The following WIPF1 variants were observed in gnomAD, a reference collection of about 807,000 sequenced individuals.
WIPF1 encodes WAS/WASL interacting protein family member 1.
Under a neutral mutation model 35.4 loss-of-function variants are expected in WIPF1, and 13 were observed. The ratio of observed to expected loss-of-function variants is 0.37; its 90% CI spans 0.24 to 0.58. The LOEUF is 0.58. Among genes scored for constraint, WIPF1 ranks in the 20% least tolerant of loss-of-function variants. The pLI, the probability that WIPF1 is intolerant of heterozygous loss-of-function variation, is 0.74. For synonymous variants in WIPF1, 267 were observed against 266.3 expected, an observed-to-expected ratio of 1.00 and a Z score of -0.02; for missense variants, 591 against 667.0, an observed-to-expected ratio of 0.89 and a Z score of 1.25.
At position 174,572,203 on chromosome 2, in the gene WIPF1, C is replaced by G. The variant is rs1414907320; in HGVS notation, c.602G>C (p.Arg201Pro). ...GCCTCCGGGCACTGGTGGGGACCCC[C>G]GGTTGTGCGGACTTGATTGAATGGG... ...PRPIQSSPHN[R>P]GSPPVPGGPR... The change falls in exon 5 of 8, where the codon CGG (arginine) becomes CCG (proline). Residue 201 changes from arginine (R) to proline (P), a missense_variant. Arg to Pro is a moderately radical substitution (Grantham distance 103). Transcript: ENST00000679041. 3.7e-6 allele frequency: 6 copies of G among 1,614,028 alleles called. No homozygotes were observed. The highest frequency in any genetic ancestry group is 5.1e-6 in the Non-Finnish European group (6 of 1,180,032).
intron 1 of WIPF1, among the ~76,000 whole-genome samples, chr2:174,677,560 C>G (rs1224112036): frequency 6.6e-6 from 1 of 152,184 alleles, no homozygotes; most frequent in African/African-American, 2.4e-5. Context: ...AACATTTTGG[C>G]TCTTGTTAAG....
chr2:174,643,084 G>C (rs1225304163), intron 1 of WIPF1, among the ~76,000 whole-genome samples: 1 of 149,172 alleles, frequency 6.7e-6, no homozygotes, highest in African/African-American at 2.6e-5. Flanking sequence ...GGAGGTGGGG[G>C]AAGGAACCAT....
chr2:174,681,626 G>A (rs1210469772), intron 1 of WIPF1, among the ~76,000 whole-genome samples: 1 of 152,188 alleles, frequency 6.6e-6, no homozygotes, highest in Non-Finnish European at 1.5e-5. Flanking sequence ...ATCTGTTCAC[G>A]GGCTCTGCGG....
chr2:174,645,767 T>C (rs1687395431), intron 1 of WIPF1, among the ~76,000 whole-genome samples: 2 of 152,246 alleles, frequency 1.3e-5, no homozygotes, highest in Non-Finnish European at 1.5e-5. Flanking sequence ...TTATTCTTCT[T>C]CGGCATAACA....
intron 1 of WIPF1, among the ~76,000 whole-genome samples, chr2:174,647,929 G>A (rs1184666635): frequency 6.6e-6 from 1 of 152,192 alleles, no homozygotes; most frequent in Non-Finnish European, 1.5e-5. Flanking sequence ...ATTGGGATAT[G>A]TTTTGTTTGA....
intron 1 of WIPF1, among the ~76,000 whole-genome samples, chr2:174,605,995 CT>C (rs148101275): frequency 0.017 from 2,578 of 152,158 alleles, 86 homozygotes; most frequent in African/African-American, 0.059. Context: ...AAAATAATTT[CT>C]TTTGCTCTTG....
At chr2:174,611,774 A>G (rs1191539709) in intron 1 of WIPF1, among the ~76,000 whole-genome samples, 1 of 152,170 alleles carries the variant, frequency 6.6e-6, no homozygotes, top group Non-Finnish European at 1.5e-5. Context: ...ATGATGTTGA[A>G]TTTTTTTGAG....
At chr2:174,619,944 GAAA>G (rs796610534) in intron 1 of WIPF1, among the ~76,000 whole-genome samples, 3 of 114,910 alleles carry the variant, frequency 2.6e-5, no homozygotes, top group Non-Finnish European at 3.8e-5. Flanking sequence ...TCTGTCTCAA[GAAA>G]AAAAAAAAAA....
chr2:174,637,320 A>G (rs1285930994), intron 1 of WIPF1, among the ~76,000 whole-genome samples: 1 of 152,168 alleles, frequency 6.6e-6, no homozygotes, highest in South Asian at 2.1e-4. Flanking sequence ...TACCTCCCCA[A>G]CTGTTTATGA....
chr2:174,648,369 A>G (rs994424344), intron 1 of WIPF1, among the ~76,000 whole-genome samples: 4 of 152,206 alleles, frequency 2.6e-5, no homozygotes, highest in African/African-American at 9.6e-5. Flanking sequence ...AATATCCACC[A>G]ATTAGCTTCC....
intron 1 of WIPF1, among the ~76,000 whole-genome samples, chr2:174,667,347 G>T (rs1687913541): frequency 6.6e-6 from 1 of 152,248 alleles, no homozygotes; most frequent in Middle Eastern, 3.4e-3. Flanking sequence ...CTGTGGGTGG[G>T]ATCATGCAAG....
rs149763163 is a variant in WIPF1, at chr2:174,653,449, G to C, written c.-39+29325C>G. Among the ~76,000 whole-genome samples, 6 of 152,138 alleles carry C rather than the reference G, an allele frequency of 3.9e-5. No homozygotes were observed. The East Asian group carries it at 1.2e-3, about 29-fold the overall frequency. ...AGTCTAAGACTGCGTAAGAAACAGA[G>C]TTCAGGCCGGGTGCGGTGGCTCACA... On this transcript the variant is annotated intron_variant, in intron 1 of 8. Coordinates refer to the WIPF1 transcript ENST00000272746.
At chr2:174,587,685 G>A (rs900360109) in intron 1 of WIPF1, 14 of 152,182 alleles carry the variant, frequency 9.2e-5, no homozygotes, top group Non-Finnish European at 1.8e-4. Context: ...CTAAGACAGC[G>A]GAAGCCAGCA....
In WIPF1 at chr2:174,585,713, A is replaced by G. The variant is rs16862743; in HGVS notation, c.-38-102T>C. 1,861 of 806,958 alleles carry G rather than the reference A, an allele frequency of 2.3e-3. 23 individuals are homozygous for G. The African/African-American group carries it at 0.03, about 13-fold the overall frequency. 50.0% of individuals were successfully genotyped at this position (806,958 alleles called of 1,614,324 possible). ...CAAAGTGACAGCTCCACCTAGCTCA[A>G]CTCTTAGAAGAGATGGGCTTACCTT... On this transcript the variant is annotated intron_variant, in intron 1 of 7. Transcript: ENST00000679041.
chr2:174,571,431 G>A lies in WIPF1; in HGVS notation c.1129+245C>T. On this transcript the variant is annotated intron_variant, in intron 5 of 7. Coordinates refer to ENST00000679041, the MANE Select transcript of WIPF1 (RefSeq NM_001375834.1). The surrounding 1 kb of genome is among the most constrained non-coding windows in gnomAD (Gnocchi z 4.6). Reference sequence around the variant, plus strand: ...TTGCCTCTTCTTTATTAACTAGCTCGTGACCATTTAACTTTATTAGCTACT... The same window carrying A: ...TTGCCTCTTCTTTATTAACTAGCTCATGACCATTTAACTTTATTAGCTACT... 2 of 625,016 alleles carry A rather than the reference G, an allele frequency of 3.2e-6. No individual in the cohort carries two copies. Among genetic ancestry groups the A allele is most frequent in the Middle Eastern group, 8.5e-4 (2 of 2,356 alleles). The allele number at this position is 625,016 out of a possible 1,614,324, so 38.7% of individuals were successfully genotyped here.
At chr2:174,600,874 T>C (rs1304358148), upstream of WIPF1, among the ~76,000 whole-genome samples, 2 of 147,252 alleles carry the variant, frequency 1.4e-5, no homozygotes, top group African/African-American at 2.5e-5. Flanking sequence ...GAAAAGAAAA[T>C]CAATGTTTCT....
chr2:174,678,955 G>A (rs535123136), intron 1 of WIPF1, among the ~76,000 whole-genome samples: 6 of 152,306 alleles, frequency 3.9e-5, no homozygotes, highest in African/African-American at 1.2e-4. Flanking sequence ...CAGTTCCTGC[G>A]TTTAGGCTTT....
At position 174,584,133 on chromosome 2, in the gene WIPF1, G is replaced by A. The variant is rs115421123; in HGVS notation, c.51+1390C>T. ...AAAAATATTTTCATCAGGAACTGAC[G>A]CTTTTGTAAAATAACAATGAATTAT... On this transcript the variant is annotated intron_variant, in intron 2 of 7. Transcript: ENST00000679041. 4.9e-3 allele frequency among the ~76,000 whole-genome samples: 741 copies of A among 152,230 alleles called. 4 individuals carry two copies. Among genetic ancestry groups the A allele is most frequent in the Non-Finnish European group, 7.0e-3 (478 of 68,014 alleles).
rs75951649 is a variant in WIPF1, at chr2:174,595,059, G to A, written c.-39+2542C>T. Among the ~76,000 whole-genome samples the A allele has an allele frequency of 4.5e-3, 493 of 110,394 alleles. 7 individuals carry two copies. Among genetic ancestry groups the A allele is most frequent in the African/African-American group, 0.017 (473 of 28,464 alleles). The allele number at this position is 110,394 out of a possible 152,430, so 72.4% of individuals were successfully genotyped here. ...GAGCCCAAGAGTTTGAGACCATCCT[G>A]GGCAAACATAGTGGGACCCTCATCT... On this transcript the variant is annotated intron_variant, in intron 1 of 7. Transcript: ENST00000679041.
Sources: allele counts gnomAD v4.1 joint callset (sites outside exome capture counted in the v4.1 genomes callset), GRCh38; gene constraint gnomAD v4.1.1; non-coding constraint Gnocchi (gnomAD v3.1); transcripts MANE v1.5; gene names NCBI Gene and HGNC (gene_info 2026-07-23, HGNC 2026-07-21).